Variants in NAV2 observed in about 807,000 individuals in gnomAD.
NAV2 encodes the protein helicase, APC down-regulated 1.
Under a neutral mutation model 223.2 loss-of-function variants are expected in NAV2, and 54 were observed. The observed-to-expected ratio is 0.24, with a 90% confidence interval of 0.19 to 0.30. The LOEUF is 0.30. Among genes scored for constraint, NAV2 ranks in the 10% least tolerant of loss-of-function variants. The pLI is 1.00. For synonymous variants in NAV2, 1,279 were observed against 1,239.3 expected (o/e 1.03, Z -0.67); for missense variants, 2,806 against 3,147.5 (o/e 0.89, Z 2.60).
chr11:19,952,893 G>A (rs570465024), intron 10 of NAV2, among the ~76,000 whole-genome samples: 1 of 152,166 alleles, frequency 6.6e-6, no homozygotes, highest in Non-Finnish European at 1.5e-5. Context: ...ATTGTGCCTG[G>A]TATATACCAG....
chr11:19,901,057 G>A (rs534776482), intron 6 of NAV2, among the ~76,000 whole-genome samples: 3 of 152,262 alleles, frequency 2.0e-5, no homozygotes, highest in African/African-American at 7.2e-5. Flanking sequence ...GTCTCTCAAG[G>A]TGTGATTCAT....
In NAV2 at chr11:19,713,344, G is replaced by A. The variant is rs534181628; in HGVS notation, c.-352G>A. The A allele has an allele frequency of 3.6e-6, 4 of 1,118,796 alleles. No individual in the cohort carries two copies. The African/African-American group carries it at 6.5e-5, about 18-fold the overall frequency. The allele number at this position is 1,118,796 out of a possible 1,614,324, so 69.3% of individuals were successfully genotyped here. A position where few individuals can be genotyped will look rare whatever the true frequency, so the allele number is the denominator to read the frequency against. On this transcript the variant is annotated 5_prime_UTR_variant, in exon 1 of 38. Transcript: ENST00000349880. This position sits in a 1 kb window ranked among gnomAD's most constrained non-coding sequence, Gnocchi z 7.2. ...GGAGATGCAGTGACAAGTTAATATGGGCGTCCAAGCCTCTGTTTCCCAGGA... is the reference window on the plus strand; with the variant it reads ...GGAGATGCAGTGACAAGTTAATATGAGCGTCCAAGCCTCTGTTTCCCAGGA...
chr11:19,720,853 A>G lies in NAV2; in HGVS notation c.267+6891A>G, dbSNP rs1283026809. Among the ~76,000 whole-genome samples the G allele has an allele frequency of 2.0e-5, 3 of 152,224 alleles. No homozygotes were observed. The East Asian group carries it at 5.8e-4, about 29-fold the overall frequency. On this transcript the variant is annotated intron_variant, in intron 1 of 37. Transcript: ENST00000349880. ...ATTCTGTCTCTTTAGTCACCTTGCT[A>G]CATGACCTTCAACAAATCACATTTT...
At chr11:19,467,423 G>T (rs1852407755) in intron 1 of NAV2, among the ~76,000 whole-genome samples, 1 of 152,148 alleles carries the variant, frequency 6.6e-6, no homozygotes, top group Non-Finnish European at 1.5e-5. Flanking sequence ...ATTTTTAGAA[G>T]TAAGTTAAAA....
chr11:20,027,023 G>A (rs566182154), intron 11 of NAV2, among the ~76,000 whole-genome samples: 12 of 152,262 alleles, frequency 7.9e-5, no homozygotes, highest in African/African-American at 2.4e-4. Flanking sequence ...TGTAAATGTC[G>A]ATTAAAGTTG....
intron 6 of NAV2, among the ~76,000 whole-genome samples, chr11:19,930,777 T>A (rs966366889): frequency 6.6e-6 from 1 of 152,174 alleles, no homozygotes; most frequent in African/African-American, 2.4e-5. Flanking sequence ...GGAAAGGCAG[T>A]TTTCCTAGGA....
chr11:19,935,589 C>G (rs2045776053), intron 7 of NAV2, among the ~76,000 whole-genome samples: 1 of 152,150 alleles, frequency 6.6e-6, no homozygotes, highest in Non-Finnish European at 1.5e-5. Flanking sequence ...CTGCCAATAG[C>G]TGGTGGAGGG....
At chr11:19,481,551 G>A (rs1424072916) in intron 1 of NAV2, among the ~76,000 whole-genome samples, 1 of 152,168 alleles carries the variant, frequency 6.6e-6, no homozygotes, top group Non-Finnish European at 1.5e-5. Context: ...AAATACTTAA[G>A]CCCTCTAAAC....
At chr11:19,519,279 A>G (rs1234505821) in intron 1 of NAV2, among the ~76,000 whole-genome samples, 2 of 152,202 alleles carry the variant, frequency 1.3e-5, no homozygotes, top group Non-Finnish European at 2.9e-5. Flanking sequence ...GTGCCTGGAT[A>G]AAATGATGAA....
At chr11:19,499,883 A>T (rs1021416386) in intron 1 of NAV2, among the ~76,000 whole-genome samples, 5 of 152,162 alleles carry the variant, frequency 3.3e-5, no homozygotes, top group African/African-American at 4.8e-5. Context: ...TCTAGCATAC[A>T]GTAGGCCCTT....
At chr11:19,917,125 A>G (rs1163394165) in intron 6 of NAV2, among the ~76,000 whole-genome samples, 1 of 152,182 alleles carries the variant, frequency 6.6e-6, no homozygotes, top group Admixed American at 6.5e-5. Context: ...ATGCTTCAAG[A>G]ACCTACCTGC....
At position 19,868,946 on chromosome 11, in the gene NAV2, T is replaced by C. The variant is rs1328152670; in HGVS notation, c.460T>C (p.Leu154=). The C allele has an allele frequency of 2.5e-6, 4 of 1,613,864 alleles. No homozygotes were observed. The highest frequency in any genetic ancestry group is 2.5e-6 in the Non-Finnish European group (3 of 1,179,922). The change falls in exon 4 of 38, where the codon TTG becomes CTG. Residue 154 remains leucine, a synonymous_variant. Transcript: ENST00000349880. ...CTAGATTGAAAACATAGATGCCTGCTTGAATTTCCTGGCAGCTAAGGGAAT... is the reference window on the plus strand; with the variant it reads ...CTAGATTGAAAACATAGATGCCTGCCTGAATTTCCTGGCAGCTAAGGGAAT... ...SQMIENIDAC[L]NFLAAKGINI... is the part of the protein sequence containing the mutation.
At chr11:19,480,519 GC>G (rs773553882) in intron 1 of NAV2, among the ~76,000 whole-genome samples, 9 of 152,076 alleles carry the variant, frequency 5.9e-5, no homozygotes, top group Non-Finnish European at 1.2e-4. Flanking sequence ...AGCCGGTGCA[GC>G]CTTTTCTTTA....
intron 1 of NAV2, among the ~76,000 whole-genome samples, chr11:19,553,100 G>A (rs2044741725): frequency 6.6e-6 from 1 of 152,196 alleles, no homozygotes; most frequent in Admixed American, 6.5e-5. Flanking sequence ...ATGTCCCTTG[G>A]TGAGGAGAGG....
At chr11:19,376,357 C>A (rs543357831) in intron 1 of NAV2, among the ~76,000 whole-genome samples, 75 of 152,264 alleles carry the variant, frequency 4.9e-4, no homozygotes, top group Admixed American at 8.5e-4. Context: ...TGGGAGTTTA[C>A]AAAGCACCTT....
At chr11:19,960,650 G>A (rs183977205) in intron 10 of NAV2, among the ~76,000 whole-genome samples, 2,825 of 150,810 alleles carry the variant, frequency 0.019, 88 homozygotes, top group African/African-American at 0.063. Flanking sequence ...ATCTTGCTCC[G>A]TTGCCCAGGC....
intron 1 of NAV2, among the ~76,000 whole-genome samples, chr11:19,623,236 A>G (rs1266237890): frequency 6.6e-6 from 1 of 152,030 alleles, no homozygotes; most frequent in Non-Finnish European, 1.5e-5. Context: ...TCTGACAATT[A>G]TGTGTCTTGG....
rs759559279 is a variant in NAV2 at position 20,051,319 on chromosome 11, T to C, written c.4467T>C (p.Pro1489=). The part of the protein sequence containing the change: ...SDPHLDRNTL[P]KKGLRYTPTS... ...CGCACCTTGATAGGAACACTTTGCC[T>C]AAGAAAGGACTCAGGTATCTGTGTT... The change falls in exon 17 of 38, where the codon CCT becomes CCC. Residue 1489 remains proline (P), a synonymous_variant. Coordinates refer to ENST00000349880, the MANE Select transcript of NAV2 (RefSeq NM_145117.5). 6.2e-7 allele frequency: 1 copy of C among 1,614,108 alleles called. No individual in the cohort carries two copies. Among genetic ancestry groups the C allele is most frequent in the Admixed American group, 1.7e-5 (1 of 60,016 alleles).
At chr11:19,450,034 G>A (rs1219263547) in intron 1 of NAV2, among the ~76,000 whole-genome samples, 5 of 152,118 alleles carry the variant, frequency 3.3e-5, no homozygotes, top group Non-Finnish European at 7.4e-5. Context: ...TTCACCACTG[G>A]GACCTCATTT....
Sources: gnomAD v4.1 joint callset for allele counts (sites outside exome capture counted in the v4.1 genomes callset) on GRCh38, gnomAD v4.1.1 for gene constraint, Gnocchi (gnomAD v3.1) non-coding constraint, MANE v1.5 for transcripts, NCBI Gene and HGNC (gene_info 2026-07-23, HGNC 2026-07-21) for gene names.